The following PARD3 variants were observed in gnomAD, a reference collection of about 807,000 sequenced individuals.
PARD3 encodes par-3 family cell polarity regulator, also known as partitioning defective 3 homolog.
A neutral mutation model predicts 155.4 loss-of-function variants in PARD3; 75 were observed. The ratio of observed to expected loss-of-function variants is 0.48; its 90% CI spans 0.40 to 0.58. The LOEUF (loss-of-function observed/expected upper bound fraction) is 0.58. PARD3 is among the 20% of genes least tolerant of loss of function. The probability of loss-of-function intolerance (pLI) is 0.00; values close to 1 mark genes in which losing one functional copy is unlikely to be tolerated. For synonymous variants in PARD3, 576 were observed against 610.5 expected (o/e 0.94, Z 0.83); for missense variants, 1,642 against 1,721.7 (o/e 0.95, Z 0.82).
At chr10:34,436,400 G>A (rs1029864855) in intron 5 of PARD3, among the ~76,000 whole-genome samples, 10 of 152,162 alleles carry the variant, frequency 6.6e-5, no homozygotes, top group African/African-American at 2.2e-4. Context: ...TATTTTAAAG[G>A]TATAACTGAT....
chr10:34,136,580 A>C (rs1172215820), intron 22 of PARD3, among the ~76,000 whole-genome samples: 6 of 152,160 alleles, frequency 3.9e-5, no homozygotes, highest in African/African-American at 1.4e-4. Flanking sequence ...GGTAGACAGG[A>C]GGAGGAAATG....
chr10:34,689,520 CTATGG>C (rs1354729039), intron 2 of PARD3, among the ~76,000 whole-genome samples: 13 of 152,092 alleles, frequency 8.5e-5, no homozygotes, highest in Admixed American at 7.9e-4. Context: ...CTACTTCAGT[CTATGG>C]TATAAGGTGC....
chr10:34,791,820 A>G (rs2134249578), intron 1 of PARD3, among the ~76,000 whole-genome samples: 1 of 151,498 alleles, frequency 6.6e-6, no homozygotes, highest in Middle Eastern at 3.4e-3. Context: ...AGCTAAGGAG[A>G]CACAGTCAGA....
chr10:34,384,036 T>G, intron 8 of PARD3, 93 bp downstream of exon 8: 1 of 1,276,512 alleles, frequency 7.8e-7, no homozygotes, highest in Non-Finnish European at 1.1e-6. Flanking sequence ...GTATACAGAC[T>G]GAGATCACAG....
At chr10:34,147,401 G>A (rs1326496778) in intron 22 of PARD3, among the ~76,000 whole-genome samples, 1 of 151,632 alleles carries the variant, frequency 6.6e-6, no homozygotes, top group East Asian at 1.9e-4. Context: ...TACTATTGTG[G>A]CAGAGTTTTT....
chr10:34,295,785 A>G (rs1956880263), intron 20 of PARD3, among the ~76,000 whole-genome samples: 2 of 152,212 alleles, frequency 1.3e-5, no homozygotes. Context: ...TTTTTTTAGC[A>G]AAGGAGTTCA....
intron 23 of PARD3, among the ~76,000 whole-genome samples, chr10:34,122,105 CA>C (rs1947037503): frequency 6.6e-6 from 1 of 152,192 alleles, no homozygotes; most frequent in Admixed American, 6.5e-5. Context: ...TTTACACCCT[CA>C]AAAGAACCAC....
At chr10:34,581,771 G>C (rs2087512390) in intron 2 of PARD3, among the ~76,000 whole-genome samples, 1 of 152,144 alleles carries the variant, frequency 6.6e-6, no homozygotes, top group South Asian at 2.1e-4. Flanking sequence ...CACAGTGCTG[G>C]AGGGGCTGTG....
At chr10:34,499,121 T>C (rs2080493461) in intron 3 of PARD3, among the ~76,000 whole-genome samples, 2 of 152,150 alleles carry the variant, frequency 1.3e-5, no homozygotes, top group Admixed American at 1.3e-4. Context: ...TAGCTCAAGA[T>C]TTTTTTCTCT....
rs74415748 is a variant in PARD3 at position 34,112,268 on chromosome 10, G to A, written c.3669-706C>T. Reference sequence around the variant, plus strand: ...ACATTTACCTTCACCAAAGGCCAGGGTGACCTACTTAACTTGCTTTCTGTC... The same window carrying A: ...ACATTTACCTTCACCAAAGGCCAGGATGACCTACTTAACTTGCTTTCTGTC... On this transcript the variant is annotated intron_variant, in intron 24 of 24. Transcript: ENST00000374788. Among the ~76,000 whole-genome samples, 817 of 152,248 alleles carry A rather than the reference G, an allele frequency of 5.4e-3. 8 individuals carry two copies. The highest frequency in any genetic ancestry group is 0.019 in the African/African-American group (781 of 41,540).
At chr10:34,229,109 C>A (rs1037269737) in intron 22 of PARD3, among the ~76,000 whole-genome samples, 2 of 152,126 alleles carry the variant, frequency 1.3e-5, no homozygotes, top group African/African-American at 4.8e-5. Flanking sequence ...GTCCTCACAA[C>A]AGCCACACGC....
chr10:34,503,807 T>C (rs2080870250), intron 3 of PARD3, among the ~76,000 whole-genome samples: 1 of 152,212 alleles, frequency 6.6e-6, no homozygotes, highest in South Asian at 2.1e-4. Flanking sequence ...AAAGGCATTC[T>C]ATGCTGGGAA....
chr10:34,684,878 T>TACATACACAC (rs374504248), intron 2 of PARD3, among the ~76,000 whole-genome samples: 1 of 137,776 alleles, frequency 7.3e-6, no homozygotes, highest in Non-Finnish European at 1.6e-5. Context: ...TACACACACA[T>TACATACACAC]ACACACACAC....
intron 5 of PARD3, among the ~76,000 whole-genome samples, chr10:34,422,108 G>A (rs1276692204): frequency 6.6e-6 from 1 of 152,090 alleles, no homozygotes; most frequent in Admixed American, 6.6e-5. Flanking sequence ...CTCACCCCTA[G>A]GAATCTCAGT....
intron 2 of PARD3, among the ~76,000 whole-genome samples, chr10:34,671,068 G>A (rs894187748): frequency 6.6e-6 from 1 of 152,202 alleles, no homozygotes; most frequent in Non-Finnish European, 1.5e-5. Flanking sequence ...GTCAATGGCT[G>A]CTCTTGCAAA....
At chr10:34,129,278 G>A (rs144331030) in intron 23 of PARD3, among the ~76,000 whole-genome samples, 95 of 152,158 alleles carry the variant, frequency 6.2e-4, no homozygotes, top group Non-Finnish European at 1.0e-3. Flanking sequence ...TCAGCCTCCC[G>A]AGTAGCCTGG....
chr10:34,148,823 T>C (rs1472143159), intron 22 of PARD3, among the ~76,000 whole-genome samples: 1 of 152,148 alleles, frequency 6.6e-6, no homozygotes, highest in Non-Finnish European at 1.5e-5. Context: ...TGTCAAAAAC[T>C]TCAAAGAATT....
chr10:34,345,032 C>A (rs1837256649), intron 15 of PARD3: 3 of 984,920 alleles, frequency 3.0e-6, no homozygotes, highest in Non-Finnish European at 3.6e-6. Context: ...AGAATAAGAT[C>A]TGGAGACTTT....
At chr10:34,696,149 A>G (rs1236687816) in intron 2 of PARD3, among the ~76,000 whole-genome samples, 169 bp downstream of exon 2, 1 of 152,158 alleles carries the variant, frequency 6.6e-6, no homozygotes, top group Non-Finnish European at 1.5e-5. Flanking sequence ...GGTATTCAGG[A>G]CAGTGAAGAT....
Sources: allele counts gnomAD v4.1 joint callset (sites outside exome capture counted in the v4.1 genomes callset), GRCh38; gene constraint gnomAD v4.1.1; transcripts MANE v1.5; gene names NCBI Gene and HGNC (gene_info 2026-07-23, HGNC 2026-07-21).